Variants in SMAP1 observed in about 807,000 individuals in gnomAD.
SMAP1 encodes stromal membrane-associated protein 1.
Under a neutral mutation model 58.5 loss-of-function variants are expected in SMAP1, and 24 were observed. The ratio of observed to expected loss-of-function variants is 0.41; its 90% CI spans 0.30 to 0.58. SMAP1 has a LOEUF of 0.58. Among genes scored for constraint, SMAP1 ranks in the 20% least tolerant of loss-of-function variants. The pLI is 0.29. For missense variants in SMAP1, 563 were observed against 566.3 expected, an observed-to-expected ratio of 0.99 and a Z score of 0.06; for synonymous variants, 216 against 196.6, an observed-to-expected ratio of 1.10 and a Z score of -0.82.
rs180926736 is a variant in SMAP1, at chr6:70,859,483, C to T, written c.1270-717C>T. 9.6e-4 allele frequency: 976 copies of T among 1,021,658 alleles called. 15 individuals carry two copies. The Admixed American group carries it at 0.022, about 23-fold the overall frequency. 63.3% of individuals were successfully genotyped at this position (1,021,658 alleles called of 1,614,324 possible). A position where few individuals can be genotyped will look rare whatever the true frequency, so the allele number is the denominator to read the frequency against. On this transcript the variant is annotated intron_variant, in intron 10 of 10. Transcript: ENST00000370455. Reference sequence around the variant, plus strand: ...TTAGTGATGTAGTTTATGTTAGTGTCTTTGAAACTGTAAATAAGTCAAGTC... The same window carrying T: ...TTAGTGATGTAGTTTATGTTAGTGTTTTTGAAACTGTAAATAAGTCAAGTC...
intron 3 of SMAP1, among the ~76,000 whole-genome samples, chr6:70,765,825 A>G (rs1766950969): frequency 6.6e-6 from 1 of 151,958 alleles, no homozygotes; most frequent in Non-Finnish European, 1.5e-5. Context: ...TACATGTGCC[A>G]TGTTGGTGTG....
intron 1 of SMAP1, among the ~76,000 whole-genome samples, chr6:70,713,768 G>T (rs543959084): frequency 5.7e-4 from 87 of 152,242 alleles, no homozygotes; most frequent in African/African-American, 2.0e-3. Flanking sequence ...TTGGTGTGTA[G>T]TGTTGTTCAA....
chr6:70,839,568 A>T (rs961493652), intron 7 of SMAP1, among the ~76,000 whole-genome samples: 6 of 152,084 alleles, frequency 3.9e-5, no homozygotes, highest in Non-Finnish European at 7.4e-5. Flanking sequence ...TTAGCAGGAG[A>T]AGTTAGGGAA....
chr6:70,696,438 TTG>T (rs1767409027), intron 1 of SMAP1, among the ~76,000 whole-genome samples: 1 of 152,140 alleles, frequency 6.6e-6, no homozygotes, highest in Non-Finnish European at 1.5e-5. Context: ...TTTTGGTATG[TTG>T]TGTTTTTATT....
chr6:70,743,209 C>G (rs1191791856), intron 2 of SMAP1, among the ~76,000 whole-genome samples: 1 of 152,090 alleles, frequency 6.6e-6, no homozygotes, highest in Admixed American at 6.5e-5. Context: ...GTCTAGTGGT[C>G]ATTGTAGTGG....
Position 70,732,581 on chromosome 6 carries a change from C to T in SMAP1, c.252+70C>T, listed in dbSNP as rs902297901. The T allele has an allele frequency of 2.4e-5, 31 of 1,287,876 alleles. No individual in the cohort carries two copies. In the African/African-American group the frequency reaches 4.3e-4, roughly 18 times the overall value. 79.8% of individuals were successfully genotyped at this position (1,287,876 alleles called of 1,614,324 possible). ...ATTTAAAAATATTTAACCCTTCTTG[C>T]ATCTAAGGATTAACATTGAAAAGTA... On this transcript the variant is annotated intron_variant, in intron 2 of 10. Transcript: ENST00000370455.
chr6:70,710,885 T>A (rs970538173), intron 1 of SMAP1, among the ~76,000 whole-genome samples: 5 of 152,204 alleles, frequency 3.3e-5, no homozygotes, highest in African/African-American at 1.2e-4. Flanking sequence ...AAGCTTTTTT[T>A]GTTCAAAACT....
chr6:70,830,724 A>G (rs969500190), intron 6 of SMAP1, among the ~76,000 whole-genome samples: 4 of 152,200 alleles, frequency 2.6e-5, no homozygotes, highest in Non-Finnish European at 4.4e-5. Context: ...TCCATTACAC[A>G]TATGTCTGTG....
intron 1 of SMAP1, chr6:70,668,637 C>CT (rs1207304346): frequency 6.5e-7 from 1 of 1,535,722 alleles, no homozygotes; most frequent in African/African-American, 1.4e-5. Context: ...AGATGGAGCC[C>CT]TACCTGCCTG....
At chr6:70,800,478 A>G (rs1768796383) in intron 6 of SMAP1, among the ~76,000 whole-genome samples, 1 of 151,822 alleles carries the variant, frequency 6.6e-6, no homozygotes, top group South Asian at 2.1e-4. Context: ...CAAATACCTT[A>G]TTTCTTCATT....
chr6:70,787,033 T>C (rs1768073889), intron 4 of SMAP1, among the ~76,000 whole-genome samples: 1 of 152,154 alleles, frequency 6.6e-6, no homozygotes, highest in Admixed American at 6.5e-5. Context: ...GGCATCACGC[T>C]ACCTGACTTC....
chr6:70,837,525 A>T (rs1770640351), intron 7 of SMAP1, among the ~76,000 whole-genome samples: 3 of 152,166 alleles, frequency 2.0e-5, no homozygotes, highest in Non-Finnish European at 4.4e-5. Flanking sequence ...CAATGAGAAT[A>T]AGAAGTGCTA....
At chr6:70,700,805 G>T (rs989237674) in intron 1 of SMAP1, among the ~76,000 whole-genome samples, 2 of 152,214 alleles carry the variant, frequency 1.3e-5, no homozygotes, top group Non-Finnish European at 2.9e-5. Context: ...AGTATTACCT[G>T]CTGGTGTTTG....
chr6:70,825,765 A>G (rs887584999), intron 6 of SMAP1, among the ~76,000 whole-genome samples: 1 of 152,216 alleles, frequency 6.6e-6, no homozygotes, highest in Non-Finnish European at 1.5e-5. Flanking sequence ...GCACTATTAA[A>G]CAGTTAAGTT....
intron 10 of SMAP1, 28 bp downstream of exon 10, chr6:70,858,257 C>A: frequency 7.2e-7 from 1 of 1,381,752 alleles, no homozygotes; most frequent in Admixed American, 2.2e-5. Flanking sequence ...TCTAGCTTCT[C>A]CCAAATCAAA....
chr6:70,713,769 T>C (rs1768154803), intron 1 of SMAP1, among the ~76,000 whole-genome samples: 1 of 152,158 alleles, frequency 6.6e-6, no homozygotes. Flanking sequence ...TGGTGTGTAG[T>C]GTTGTTCAAG....
intron 2 of SMAP1, among the ~76,000 whole-genome samples, chr6:70,745,604 G>C (rs1582102217): frequency 6.6e-6 from 1 of 152,166 alleles, no homozygotes; most frequent in Non-Finnish European, 1.5e-5. Flanking sequence ...AAGTCAGGTA[G>C]TGTGATGCCT....
rs1463280955 is a variant in SMAP1, at chr6:70,861,988, A to AAAT, written c.*1657_*1659dup. 3.8e-6 allele frequency: 6 copies of AAAT among 1,570,722 alleles called. No individual in the cohort carries two copies. The highest frequency in any genetic ancestry group is 5.2e-6 in the Non-Finnish European group (6 of 1,163,988). ...AGACTTACAGCAAATCCTTTGTGAA[A>AAAT]AATAAAAAAAAAAAAGAGACTTTAA... On this transcript the variant is annotated 3_prime_UTR_variant, in exon 11 of 11. Coordinates refer to ENST00000370455, the MANE Select transcript of SMAP1 (RefSeq NM_001044305.3).
chr6:70,837,820 T>C, intron 7 of SMAP1: 1 of 1,271,526 alleles, frequency 7.9e-7, no homozygotes, highest in Non-Finnish European at 1.0e-6. Context: ...GAAAGGCAGT[T>C]AGTTGAAGTG....
Sources: gnomAD v4.1 joint callset for allele counts (sites outside exome capture counted in the v4.1 genomes callset) on GRCh38, gnomAD v4.1.1 for gene constraint, MANE v1.5 for transcripts, NCBI Gene and HGNC (gene_info 2026-07-23, HGNC 2026-07-21) for gene names.